PHACTR1: variants seen among roughly 807,000 people sequenced by gnomAD.
PHACTR1 encodes RPEL repeat containing 1.
Under a neutral mutation model 69.2 loss-of-function variants are expected in PHACTR1, and 16 were observed. That is an observed-to-expected ratio of 0.23 (90% CI 0.16 to 0.35). The LOEUF (loss-of-function observed/expected upper bound fraction) is 0.35. PHACTR1 is among the 10% of genes least tolerant of loss of function. PHACTR1 has a pLI of 1.00. For missense variants in PHACTR1, 510 were observed against 734.7 expected, an observed-to-expected ratio of 0.69 and a Z score of 3.54; for synonymous variants, 312 against 284.5, an observed-to-expected ratio of 1.10 and a Z score of -0.97.
chr6:12,843,478 C>T (rs911255192), intron 4 of PHACTR1, among the ~76,000 whole-genome samples: 6 of 152,126 alleles, frequency 3.9e-5, no homozygotes, highest in Non-Finnish European at 8.8e-5. Context: ...TGTGTATAGA[C>T]AGATAAATAG....
chr6:13,024,936 G>A (rs1005533084), intron 4 of PHACTR1, among the ~76,000 whole-genome samples: 1 of 152,124 alleles, frequency 6.6e-6, no homozygotes, highest in African/African-American at 2.4e-5. Flanking sequence ...AGTAGTCATT[G>A]GGCTGCATGC....
chr6:12,906,316 A>G (rs1223286016), intron 4 of PHACTR1, among the ~76,000 whole-genome samples: 1 of 152,168 alleles, frequency 6.6e-6, no homozygotes, highest in Non-Finnish European at 1.5e-5. Flanking sequence ...ATGTGTTTCT[A>G]TTTTCTCATT....
intron 6 of PHACTR1, among the ~76,000 whole-genome samples, chr6:13,160,511 C>G (rs1356437150): frequency 6.6e-6 from 1 of 152,208 alleles, no homozygotes; most frequent in African/African-American, 2.4e-5. Context: ...GCATTGGAAT[C>G]AAACCACAGG....
Position 12,775,253 on chromosome 6 carries a change from A to T in PHACTR1, c.250+25463A>T, listed in dbSNP as rs1376989117. On this transcript the variant is annotated intron_variant, in intron 4 of 14. Coordinates refer to ENST00000332995, the MANE Select transcript of PHACTR1 (RefSeq NM_030948.6). ...ATACTTGTAACCCTGTGATAAATCA[A>T]TGTTCTACTCTCAAAAATACCCCTA... is the stretch of plus-strand genomic sequence containing the variant. 2.0e-5 allele frequency among the ~76,000 whole-genome samples: 3 copies of T among 151,560 alleles called. No homozygotes were observed. In the East Asian group the frequency reaches 5.8e-4, roughly 29 times the overall value.
intron 10 of PHACTR1, among the ~76,000 whole-genome samples, chr6:13,236,752 G>T (rs535402697): frequency 2.6e-5 from 4 of 152,168 alleles, no homozygotes; most frequent in African/African-American, 7.2e-5. Flanking sequence ...ACATTCTGAG[G>T]TACTGGGATT....
At chr6:12,785,303 T>A (rs1335188275) in intron 4 of PHACTR1, among the ~76,000 whole-genome samples, 1 of 152,158 alleles carries the variant, frequency 6.6e-6, no homozygotes, top group Non-Finnish European at 1.5e-5. Context: ...GGTGGCTGTA[T>A]CCACCACCGG....
At chr6:12,902,391 C>G (rs1785300166) in intron 4 of PHACTR1, among the ~76,000 whole-genome samples, 1 of 152,134 alleles carries the variant, frequency 6.6e-6, no homozygotes, top group Non-Finnish European at 1.5e-5. Context: ...CAACTGCACT[C>G]CAGCCTGGGC....
intron 12 of PHACTR1, chr6:13,281,076 C>T: frequency 3.1e-6 from 4 of 1,289,656 alleles, no homozygotes; most frequent in Non-Finnish European, 4.0e-6. Flanking sequence ...AAGACGGTGT[C>T]CAAGGCCCCG....
chr6:13,107,512 G>A (rs2127888169), intron 5 of PHACTR1, among the ~76,000 whole-genome samples: 1 of 152,294 alleles, frequency 6.6e-6, no homozygotes, highest in Non-Finnish European at 1.5e-5. Flanking sequence ...AGTATTCTTT[G>A]TGGGAAGGGT....
At chr6:12,972,284 T>C (rs1318240438) in intron 4 of PHACTR1, among the ~76,000 whole-genome samples, 3 of 152,232 alleles carry the variant, frequency 2.0e-5, no homozygotes, top group Non-Finnish European at 4.4e-5. Context: ...TCTACTCCAC[T>C]CTGCCGCCTT....
At chr6:12,848,156 A>T (rs1042235813) in intron 4 of PHACTR1, among the ~76,000 whole-genome samples, 1 of 152,186 alleles carries the variant, frequency 6.6e-6, no homozygotes, top group South Asian at 2.1e-4. Flanking sequence ...ACTAGGCTAG[A>T]TCAATAGCAC....
At chr6:12,966,248 A>G (rs748512177) in intron 4 of PHACTR1, among the ~76,000 whole-genome samples, 1 of 152,094 alleles carries the variant, frequency 6.6e-6, no homozygotes, top group Non-Finnish European at 1.5e-5. Context: ...CTTCCTGAGC[A>G]CTCACTGTGT....
intron 4 of PHACTR1, among the ~76,000 whole-genome samples, chr6:12,968,227 T>C (rs1793732838): frequency 6.6e-6 from 1 of 152,154 alleles, no homozygotes; most frequent in Admixed American, 6.5e-5. Flanking sequence ...AGAGATAACT[T>C]CTCTACTGAA....
rs972751422 is a variant in PHACTR1, at chr6:13,286,654, A to G, written c.1728-409A>G. ...ACATTCTCCCTGACAGTCCAGCATC[A>G]TGATGATATTTGGGAAAACCGAGGC... On this transcript the variant is annotated intron_variant, in intron 14 of 14. Transcript: ENST00000332995. Among the ~76,000 whole-genome samples, 6 of 152,396 alleles carry G rather than the reference A, an allele frequency of 3.9e-5. 1 individual carries two copies. The highest frequency in any genetic ancestry group is 1.4e-4 in the African/African-American group (6 of 41,594).
intron 4 of PHACTR1, among the ~76,000 whole-genome samples, chr6:12,983,522 GTATT>G (rs1582823190): frequency 6.6e-6 from 1 of 151,998 alleles, no homozygotes; most frequent in East Asian, 1.9e-4. Context: ...CTAAGGAGAC[GTATT>G]TATTATTTAT....
chr6:13,015,371 G>C (rs1396275991), intron 4 of PHACTR1, among the ~76,000 whole-genome samples: 1 of 152,148 alleles, frequency 6.6e-6, no homozygotes, highest in Non-Finnish European at 1.5e-5. Flanking sequence ...ACACATGAAC[G>C]CCCCTGCTAT....
rs1371880702 is a variant in PHACTR1, at chr6:12,936,276, G to A, written c.251-117089G>A. On this transcript the variant is annotated intron_variant, in intron 4 of 14. Transcript: ENST00000332995. ...CAAACATGGATCTGGAGTTGTGCTA[G>A]CCACCTATCCACTTATCTATACCAG... 2.0e-5 allele frequency among the ~76,000 whole-genome samples: 3 copies of A among 152,188 alleles called. No homozygotes were observed. The East Asian group carries it at 5.8e-4, about 29-fold the overall frequency.
At chr6:13,095,335 A>G (rs1814010868) in intron 5 of PHACTR1, among the ~76,000 whole-genome samples, 1 of 152,220 alleles carries the variant, frequency 6.6e-6, no homozygotes. Flanking sequence ...AGAGCATATT[A>G]CTTTTCAGGG....
At chr6:12,739,962 T>A (rs1345352947) in intron 3 of PHACTR1, among the ~76,000 whole-genome samples, 3 of 152,226 alleles carry the variant, frequency 2.0e-5, no homozygotes, top group African/African-American at 7.2e-5. Context: ...CAAATCAACA[T>A]ACAATTCCCT....
Sources: allele counts gnomAD v4.1 joint callset (sites outside exome capture counted in the v4.1 genomes callset), GRCh38; gene constraint gnomAD v4.1.1; transcripts MANE v1.5; gene names NCBI Gene and HGNC (gene_info 2026-07-23, HGNC 2026-07-21).